Variants in FAM118B observed in about 807,000 individuals in gnomAD.
The protein encoded by FAM118B is SIR2 antiphage like 1, also known as protein FAM118B.
FAM118B carries 24 observed loss-of-function variants against 38.5 expected under a neutral mutation model. That is an observed-to-expected ratio of 0.62 (90% CI 0.45 to 0.88). The LOEUF is 0.88. FAM118B is among the 40% of genes least tolerant of loss of function. The pLI is 0.00. For synonymous variants in FAM118B, 138 were observed against 156.3 expected, an observed-to-expected ratio of 0.88 and a Z score of 0.87; for missense variants, 334 against 420.0, an observed-to-expected ratio of 0.80 and a Z score of 1.79.
chr11:126,231,906 A>G (rs893889924), intron 2 of FAM118B, among the ~76,000 whole-genome samples: 16 of 152,238 alleles, frequency 1.1e-4, no homozygotes, highest in African/African-American at 3.9e-4. Context: ...TAGTTTTCCC[A>G]GCTTCTGAAT....
chr11:126,218,446 T>G (rs1950011292), intron 1 of FAM118B, among the ~76,000 whole-genome samples: 1 of 152,222 alleles, frequency 6.6e-6, no homozygotes, highest in Admixed American at 6.5e-5. Flanking sequence ...CCAGAAGCAT[T>G]TCCCACCATC....
chr11:126,250,450 C>A lies in FAM118B; in HGVS notation c.340-56C>A. ...AAATTTGTTACTGCTGTAACTAAAA[C>A]AACTGACCTACCAAAGCACTTTGGA... On this transcript the variant is annotated intron_variant, in intron 4 of 8. Coordinates refer to ENST00000533050, the MANE Select transcript of FAM118B (RefSeq NM_024556.4). The surrounding 1 kb of genome is among the most constrained non-coding windows in gnomAD (Gnocchi z 5.1). 8.0e-7 allele frequency: 1 copy of A among 1,253,374 alleles called. No individual in the cohort carries two copies. Among genetic ancestry groups the A allele is most frequent in the Non-Finnish European group, 1.2e-6 (1 of 867,314 alleles). The allele number at this position is 1,253,374 out of a possible 1,614,324, so 77.6% of individuals were successfully genotyped here. A position where few individuals can be genotyped will look rare whatever the true frequency, so the allele number is the denominator to read the frequency against.
Position 126,229,597 on chromosome 11 carries a change from C to T in FAM118B, c.-8+304C>T, listed in dbSNP as rs578024864. On this transcript the variant is annotated intron_variant, in intron 2 of 8. Transcript: ENST00000533050. ...AGCTGGGATTACAGGCGCCCACCAC[C>T]GCACCCGGCTAAATTTTGTATTTTT... is the stretch of plus-strand genomic sequence containing the variant. Among the ~76,000 whole-genome samples, 7 of 152,256 alleles carry T rather than the reference C, an allele frequency of 4.6e-5. No individual in the cohort carries two copies. In the East Asian group the frequency reaches 9.6e-4, roughly 21 times the overall value.
chr11:126,215,140 C>A (rs1565322802), intron 1 of FAM118B, among the ~76,000 whole-genome samples: 1 of 152,208 alleles, frequency 6.6e-6, no homozygotes, highest in Non-Finnish European at 1.5e-5. Flanking sequence ...CCGCTGCGTA[C>A]TTGAACAAAT....
At chr11:126,258,266 T>C (rs1458187803) in intron 7 of FAM118B, among the ~76,000 whole-genome samples, 3 of 151,982 alleles carry the variant, frequency 2.0e-5, no homozygotes, top group Non-Finnish European at 4.4e-5. Flanking sequence ...CACACACCTG[T>C]AGTCCAGCTG....
At chr11:126,246,486 T>A (rs1241058461) in intron 4 of FAM118B, among the ~76,000 whole-genome samples, 1 of 152,236 alleles carries the variant, frequency 6.6e-6, no homozygotes, top group Non-Finnish European at 1.5e-5. Context: ...GGGATATTAC[T>A]TCCTTGTGTC....
chr11:126,254,117 A>G (rs1310132452), intron 5 of FAM118B, among the ~76,000 whole-genome samples, 188 bp from the exon 6 acceptor site: 1 of 152,294 alleles, frequency 6.6e-6, no homozygotes, highest in South Asian at 2.1e-4. Flanking sequence ...ATTTGTTGCC[A>G]TCATTCTTGA....
At chr11:126,261,197 A>G (rs1237798304) in intron 7 of FAM118B, 1 of 525,314 alleles carries the variant, frequency 1.9e-6, no homozygotes, top group Non-Finnish European at 3.4e-6. Context: ...TCTACAAGCA[A>G]TCGTAGTGCA....
Position 126,255,020 on chromosome 11 carries a change from C to T in FAM118B, c.696+587C>T, listed in dbSNP as rs752204453. ...TTCACATACAAAGGATACATTAGTA[C>T]CCTTTATCATCATTTGGTTTATTAA... On this transcript the variant is annotated intron_variant, in intron 6 of 8. Coordinates refer to ENST00000533050, the MANE Select transcript of FAM118B (RefSeq NM_024556.4). The surrounding 1 kb of genome is among the most constrained non-coding windows in gnomAD (Gnocchi z 4.6). Among the ~76,000 whole-genome samples, 19 of 152,294 alleles carry T rather than the reference C, an allele frequency of 1.2e-4. No homozygotes were observed. The highest frequency in any genetic ancestry group is 2.4e-4 in the Non-Finnish European group (16 of 68,030).
intron 4 of FAM118B, among the ~76,000 whole-genome samples, chr11:126,248,358 CTTTTTTTTTTTTTTTT>C (rs1167017613): frequency 2.7e-5 from 1 of 36,966 alleles, no homozygotes; most frequent in Admixed American, 5.7e-4. Context: ...TAGTAGTTGA[CTTTTTTTTTTTTTTTT>C]TTTTTTTTTT....
chr11:126,260,126 G>A (rs553271253), intron 7 of FAM118B, among the ~76,000 whole-genome samples: 161 of 151,902 alleles, frequency 1.1e-3, no homozygotes, highest in Non-Finnish European at 1.8e-3. Flanking sequence ...TGACCTCCCC[G>A]GGCTCAGGCG....
intron 4 of FAM118B, chr11:126,241,398 T>TA (rs11436936): frequency 0.12 from 21,996 of 187,784 alleles, 1,356 homozygotes; most frequent in African/African-American, 0.14. Context: ...AGATTGGAGA[T>TA]AATTTTATCA....
At chr11:126,240,208 G>A (rs1029650614) in intron 3 of FAM118B, among the ~76,000 whole-genome samples, 3 of 150,902 alleles carry the variant, frequency 2.0e-5, no homozygotes, top group African/African-American at 2.4e-5. Context: ...CCTTTGATTA[G>A]TTAATGTCTT....
intron 3 of FAM118B, among the ~76,000 whole-genome samples, chr11:126,239,447 A>T (rs1950326487): frequency 6.6e-6 from 1 of 152,064 alleles, no homozygotes; most frequent in Admixed American, 6.5e-5. Context: ...GTTTATGTGG[A>T]TTTGTGTATG....
At chr11:126,222,456 A>C (rs1036580165) in intron 1 of FAM118B, among the ~76,000 whole-genome samples, 2 of 152,244 alleles carry the variant, frequency 1.3e-5, no homozygotes, top group African/African-American at 4.8e-5. Flanking sequence ...CTACAAATGG[A>C]AGTGGACTGA....
At chr11:126,241,606 G>A (rs949495110) in intron 4 of FAM118B, among the ~76,000 whole-genome samples, 4 of 151,878 alleles carry the variant, frequency 2.6e-5, no homozygotes, top group African/African-American at 9.7e-5. Flanking sequence ...CTGAAGTTCA[G>A]TGGTTCGATC....
Position 126,250,964 on chromosome 11 carries a change from C to T in FAM118B, c.567+231C>T, listed in dbSNP as rs1950496017. On this transcript the variant is annotated intron_variant, in intron 5 of 8. Coordinates refer to ENST00000533050, the MANE Select transcript of FAM118B (RefSeq NM_024556.4). This position sits in a 1 kb window ranked among gnomAD's most constrained non-coding sequence, Gnocchi z 5.1. ...GTTCTATGACTCTTGACAATTTCAT[C>T]CAGTTTTAAAGCAAGATTAGAGGAA... is the stretch of plus-strand genomic sequence containing the variant. Among the ~76,000 whole-genome samples, 1 of 152,122 alleles carries T rather than the reference C, an allele frequency of 6.6e-6. No homozygotes were observed. The highest frequency in any genetic ancestry group is 1.5e-5 in the Non-Finnish European group (1 of 68,032).
intron 2 of FAM118B, among the ~76,000 whole-genome samples, chr11:126,230,621 T>C (rs1950196466): frequency 6.6e-6 from 1 of 152,216 alleles, no homozygotes; most frequent in Non-Finnish European, 1.5e-5. Context: ...AAATACTTTT[T>C]AAAACATTAG....
Position 126,255,123 on chromosome 11 carries a change from A to G in FAM118B, c.696+690A>G, listed in dbSNP as rs1430236718. Among the ~76,000 whole-genome samples, 1 of 152,234 alleles carries G rather than the reference A, an allele frequency of 6.6e-6. No homozygotes were observed. The highest frequency in any genetic ancestry group is 1.5e-5 in the Non-Finnish European group (1 of 68,048). ...CTACTAGAGAATACATTCTAAAGAG[A>G]CTTTGTATAAATGGCAATGGGCTTA... On this transcript the variant is annotated intron_variant, in intron 6 of 8. Transcript: ENST00000533050. This position sits in a 1 kb window ranked among gnomAD's most constrained non-coding sequence, Gnocchi z 4.6.
Sources: allele counts gnomAD v4.1 joint callset (sites outside exome capture counted in the v4.1 genomes callset), GRCh38; gene constraint gnomAD v4.1.1; non-coding constraint Gnocchi (gnomAD v3.1); transcripts MANE v1.5; gene names NCBI Gene and HGNC (gene_info 2026-07-23, HGNC 2026-07-21).